The following DIP2C variants were observed in gnomAD, a reference collection of about 807,000 sequenced individuals.
The protein encoded by DIP2C is DIP2 acetate--CoA ligase C (putative), also known as disco-interacting protein 2 homolog C.
Under a neutral mutation model 192.4 loss-of-function variants are expected in DIP2C, and 33 were observed. That is an observed-to-expected ratio of 0.17 (90% confidence interval 0.13 to 0.23). DIP2C has a LOEUF of 0.23. DIP2C is among the 10% of genes least tolerant of loss of function. DIP2C has a pLI of 1.00. For missense variants in DIP2C, 1,537 were observed against 2,110.1 expected (o/e 0.73, Z 5.32); for synonymous variants, 979 against 864.1 (o/e 1.13, Z -2.33).
intron 31 of DIP2C, among the ~76,000 whole-genome samples, chr10:324,095 G>A (rs1261527546): frequency 6.6e-6 from 1 of 152,106 alleles, no homozygotes; most frequent in Non-Finnish European, 1.5e-5. Flanking sequence ...CCCCCAGAAC[G>A]CCTCCCCGTG....
At chr10:347,464 T>C (rs1385050826) in intron 26 of DIP2C, among the ~76,000 whole-genome samples, 52 of 84,772 alleles carry the variant, frequency 6.1e-4, no homozygotes, top group East Asian at 8.6e-4. Context: ...TCGCGCATAG[T>C]TCTCCCGGAA....
intron 1 of DIP2C, among the ~76,000 whole-genome samples, chr10:620,185 T>C (rs979766966): frequency 4.6e-5 from 7 of 152,228 alleles, no homozygotes; most frequent in African/African-American, 1.7e-4. Context: ...AAGGCCATTT[T>C]ATTTGTGCTT....
chr10:684,172 A>C (rs1390874422), intron 1 of DIP2C, among the ~76,000 whole-genome samples: 1 of 152,242 alleles, frequency 6.6e-6, no homozygotes, highest in Non-Finnish European at 1.5e-5. Flanking sequence ...GACTCTTAAC[A>C]TTCCAGTCCA....
intron 2 of DIP2C, among the ~76,000 whole-genome samples, chr10:479,756 T>C (rs950185769): frequency 2.6e-5 from 4 of 152,220 alleles, no homozygotes; most frequent in Non-Finnish European, 5.9e-5. Flanking sequence ...ACTCATACAC[T>C]GGAAATTGTC....
chr10:493,796 C>T (rs1027753292), intron 1 of DIP2C, among the ~76,000 whole-genome samples: 2 of 152,244 alleles, frequency 1.3e-5, no homozygotes, highest in African/African-American at 4.8e-5. Flanking sequence ...GTCATTTAAA[C>T]ACTCCACAAG....
intron 1 of DIP2C, among the ~76,000 whole-genome samples, chr10:566,401 C>CCCA (rs1849470461): frequency 6.6e-6 from 1 of 152,224 alleles, no homozygotes; most frequent in South Asian, 2.1e-4. Flanking sequence ...GAGCCGCTGA[C>CCCA]CCACCAGAGG....
At chr10:278,674 T>G (rs1257202256) in intron 36 of DIP2C, among the ~76,000 whole-genome samples, 1 of 152,232 alleles carries the variant, frequency 6.6e-6, no homozygotes, top group African/African-American at 2.4e-5. Flanking sequence ...ATATGGAAGA[T>G]TCACTCAGAA....
At chr10:458,154 T>C (rs892692426) in intron 3 of DIP2C, among the ~76,000 whole-genome samples, 5 of 152,198 alleles carry the variant, frequency 3.3e-5, no homozygotes, top group African/African-American at 9.6e-5. Flanking sequence ...GCCTGTCACC[T>C]CCTCTGGGGA....
intron 10 of DIP2C, among the ~76,000 whole-genome samples, chr10:394,882 C>G (rs2132984783): frequency 6.6e-6 from 1 of 151,434 alleles, no homozygotes; most frequent in South Asian, 2.1e-4. Flanking sequence ...GCTATTCAGC[C>G]TTCAGACAGG....
At chr10:393,826 G>GAA (rs1203515501) in intron 10 of DIP2C, among the ~76,000 whole-genome samples, 12 of 110,676 alleles carry the variant, frequency 1.1e-4, no homozygotes, top group South Asian at 9.2e-4. Flanking sequence ...AAAGGAAAAG[G>GAA]AAAAAAAAAA....
intron 10 of DIP2C, among the ~76,000 whole-genome samples, chr10:395,129 GTTGGGGGAGGGAGGAGAT>G (rs1564657176): frequency 4.0e-5 from 4 of 101,220 alleles, no homozygotes; most frequent in Non-Finnish European, 7.9e-5. Context: ...GGAGGGAGGA[GTTGGGGGAGGGAGGAGAT>G]GGGGGGGAGG....
chr10:329,544 G>A lies in DIP2C; in HGVS notation c.3642C>T (p.Pro1214=), dbSNP rs749942687. Residue 1214 remains proline (P), a synonymous_variant, in exon 30 of 37, where the codon CCC becomes CCT. Transcript: ENST00000280886. The part of the protein sequence containing the change: ...LIPPSELETN[P]ALWLLAVSQY... ...GACTCACGGCAAGAAGCCACAAGGC[G>A]GGGTTGGTTTCCAGCTCAGAGGGCG... The A allele has an allele frequency of 1.1e-5, 17 of 1,614,178 alleles. No homozygotes were observed. In the South Asian group the frequency reaches 1.8e-4, roughly 17 times the overall value.
At chr10:511,729 T>G (rs191923030) in intron 1 of DIP2C, among the ~76,000 whole-genome samples, 57 of 152,142 alleles carry the variant, frequency 3.7e-4, no homozygotes, top group African/African-American at 1.3e-3. Context: ...CGAGCTCTCT[T>G]CACAGGGAGC....
chr10:521,286 T>TC (rs1265280121), intron 1 of DIP2C, among the ~76,000 whole-genome samples: 3 of 152,094 alleles, frequency 2.0e-5, no homozygotes, highest in African/African-American at 7.2e-5. Context: ...ACTGAACACC[T>TC]CCCCTGAGGC....
At chr10:428,876 T>G (rs1007108358) in intron 4 of DIP2C, among the ~76,000 whole-genome samples, 8 of 152,168 alleles carry the variant, frequency 5.3e-5, no homozygotes, top group Non-Finnish European at 8.8e-5. Context: ...TTCATCTTCC[T>G]TCTCCAACCT....
intron 1 of DIP2C, among the ~76,000 whole-genome samples, chr10:589,307 G>T (rs534901315): frequency 2.6e-5 from 4 of 152,080 alleles, no homozygotes; most frequent in African/African-American, 9.7e-5. Context: ...TTCCCTAGGG[G>T]TGTCTTTTAT....
intron 1 of DIP2C, among the ~76,000 whole-genome samples, chr10:601,668 C>G (rs571319031): frequency 6.6e-6 from 1 of 152,196 alleles, no homozygotes; most frequent in Non-Finnish European, 1.5e-5. Flanking sequence ...AACTGCACCA[C>G]GAAGGACCAT....
chr10:625,134 G>C (rs560251376), intron 1 of DIP2C, among the ~76,000 whole-genome samples: 1 of 152,184 alleles, frequency 6.6e-6, no homozygotes, highest in East Asian at 1.9e-4. Context: ...AATTACAGCC[G>C]TGTCCTCAGC....
At chr10:407,350 G>T (rs535105490) in intron 9 of DIP2C, among the ~76,000 whole-genome samples, 1 of 152,274 alleles carries the variant, frequency 6.6e-6, no homozygotes, top group African/African-American at 2.4e-5. Flanking sequence ...TGGATTTGGG[G>T]TTGCTTCCAC....
Sources: allele counts gnomAD v4.1 joint callset (sites outside exome capture counted in the v4.1 genomes callset), GRCh38; gene constraint gnomAD v4.1.1; transcripts MANE v1.5; gene names NCBI Gene and HGNC (gene_info 2026-07-23, HGNC 2026-07-21).